The following FGD4 variants were observed in gnomAD, a reference collection of about 807,000 sequenced individuals.
FGD4 encodes the protein FYVE, RhoGEF and PH domain containing 4.
In FGD4, 42 loss-of-function variants were observed where a neutral mutation model predicts 102.0. The observed-to-expected ratio is 0.41, with a 90% CI of 0.32 to 0.53. The LOEUF (loss-of-function observed/expected upper bound fraction) is 0.53. FGD4 is among the 20% of genes least tolerant of loss of function. The pLI is 0.21. For missense variants in FGD4, 902 were observed against 1,078.2 expected (o/e 0.84, Z 2.29); for synonymous variants, 380 against 375.7 (o/e 1.01, Z -0.13).
At chr12:32,453,103 A>G (rs1394864270) in intron 1 of FGD4, among the ~76,000 whole-genome samples, 4 of 150,400 alleles carry the variant, frequency 2.7e-5, no homozygotes, top group Non-Finnish European at 5.9e-5. Context: ...TCCAGCTTTG[A>G]TAATTATTAA....
chr12:32,563,987 C>A (rs1473195178), intron 1 of FGD4, 150 bp from the exon 2 acceptor site: 1 of 735,810 alleles, frequency 1.4e-6, no homozygotes, highest in Non-Finnish European at 2.0e-6. Flanking sequence ...AGAGGGAGAC[C>A]GTGGAAAGAG....
At chr12:32,628,714 A>G (rs1399664849) in intron 14 of FGD4, among the ~76,000 whole-genome samples, 1 of 152,066 alleles carries the variant, frequency 6.6e-6, no homozygotes, top group Non-Finnish European at 1.5e-5. Context: ...TGAACCGGGG[A>G]GGCGGAGGTT....
intron 2 of FGD4, among the ~76,000 whole-genome samples, chr12:32,568,865 C>CA (rs1396801549): frequency 1.3e-5 from 2 of 152,154 alleles, no homozygotes; most frequent in Non-Finnish European, 2.9e-5. Context: ...TAGATAATTA[C>CA]TTTGAATGAT....
At chr12:32,627,883 G>A (rs780695072) in intron 14 of FGD4, among the ~76,000 whole-genome samples, 22 of 152,136 alleles carry the variant, frequency 1.4e-4, no homozygotes, top group Admixed American at 2.0e-4. Context: ...AGAAAGTGGC[G>A]GGGTCAGTGG....
Position 32,640,380 on chromosome 12 carries a change from C to G in FGD4, c.2559C>G (p.Ser853=). 2.5e-6 allele frequency: 4 copies of G among 1,614,162 alleles called. No individual in the cohort carries two copies. In the Middle Eastern group the frequency reaches 4.9e-4, roughly 200 times the overall value. The change falls in exon 17 of 17, where the codon TCC becomes TCG. Residue 853 remains serine, a synonymous_variant. Coordinates refer to ENST00000534526, the MANE Select transcript of FGD4 (RefSeq NM_001370298.3). ...GTTTCAAACTGACCCAGTCTAAGTCCGTGCACAGCTTTGCTGCAGACAGTG... is the reference window on the plus strand; with the variant it reads ...GTTTCAAACTGACCCAGTCTAAGTCGGTGCACAGCTTTGCTGCAGACAGTG... ...PHSFKLTQSK[S]VHSFAADSEE... is the part of the protein sequence containing the mutation.
At chr12:32,634,478 T>C (rs1350082352) in intron 15 of FGD4, among the ~76,000 whole-genome samples, 2 of 152,166 alleles carry the variant, frequency 1.3e-5, no homozygotes, top group African/African-American at 2.4e-5. Flanking sequence ...ACTAATGTTC[T>C]GGAAAAAATT....
chr12:32,547,082 GAATC>G (rs1480623533), intron 1 of FGD4, among the ~76,000 whole-genome samples: 4 of 152,180 alleles, frequency 2.6e-5, no homozygotes, highest in African/African-American at 9.7e-5. Context: ...GAAAGCCAAA[GAATC>G]AATAGCTAGA....
intron 1 of FGD4, among the ~76,000 whole-genome samples, chr12:32,490,911 A>G (rs1944065196): frequency 6.6e-6 from 1 of 152,194 alleles, no homozygotes; most frequent in African/African-American, 2.4e-5. Flanking sequence ...AGCAAGTATC[A>G]GAGGAGTCAT....
chr12:32,594,597 A>C (rs369976062), intron 4 of FGD4, among the ~76,000 whole-genome samples: 1 of 152,230 alleles, frequency 6.6e-6, no homozygotes. Flanking sequence ...ACTGTCTTCC[A>C]CAGAACCGGT....
chr12:32,480,410 C>G (rs11052024), intron 1 of FGD4, among the ~76,000 whole-genome samples: 20,226 of 152,080 alleles, frequency 0.13, 3,017 homozygotes, highest in African/African-American at 0.36. Context: ...GATCCGCCCA[C>G]TTCGGCCTCC....
intron 1 of FGD4, among the ~76,000 whole-genome samples, chr12:32,407,418 G>T (rs537327618): frequency 6.6e-6 from 1 of 152,120 alleles, no homozygotes; most frequent in East Asian, 1.9e-4. Flanking sequence ...GAGCCACTAC[G>T]CCTGGCCAAG....
intron 1 of FGD4, among the ~76,000 whole-genome samples, chr12:32,563,816 C>T (rs1258310285): frequency 6.6e-6 from 1 of 152,174 alleles, no homozygotes; most frequent in Non-Finnish European, 1.5e-5. Context: ...CCAGCCAACC[C>T]AGCGAAACCC....
intron 1 of FGD4, among the ~76,000 whole-genome samples, chr12:32,529,715 T>G (rs1321343967): frequency 6.6e-6 from 1 of 151,486 alleles, no homozygotes; most frequent in East Asian, 2.0e-4. Context: ...TGGTGGCCCA[T>G]ACCTGTAATC....
intron 1 of FGD4, among the ~76,000 whole-genome samples, chr12:32,496,621 C>T (rs377297908): frequency 6.6e-6 from 1 of 152,050 alleles, no homozygotes; most frequent in African/African-American, 2.4e-5. Flanking sequence ...ACACTCCACA[C>T]GTATTTTAGA....
At chr12:32,571,461 A>C (rs1945657625) in intron 2 of FGD4, among the ~76,000 whole-genome samples, 1 of 152,096 alleles carries the variant, frequency 6.6e-6, no homozygotes, top group South Asian at 2.1e-4. Context: ...TCTCAAAAAA[A>C]AAAAAGAAAA....
At chr12:32,534,793 T>A (rs966974762) in intron 1 of FGD4, among the ~76,000 whole-genome samples, 3 of 152,172 alleles carry the variant, frequency 2.0e-5, no homozygotes, top group African/African-American at 7.2e-5. Context: ...AGGGGAGAAA[T>A]ATAGAGAAAG....
chr12:32,638,834 T>A, intron 16 of FGD4, 39 bp downstream of exon 16: 2 of 1,613,386 alleles, frequency 1.2e-6, no homozygotes, highest in Non-Finnish European at 1.7e-6. Flanking sequence ...CAGATGCCCT[T>A]GGGGGCAAGG....
chr12:32,475,871 A>G (rs137962801), intron 1 of FGD4, among the ~76,000 whole-genome samples: 4 of 152,116 alleles, frequency 2.6e-5, no homozygotes, highest in Non-Finnish European at 5.9e-5. Context: ...TGAAAAGAGG[A>G]ATTGTTTTAT....
At chr12:32,410,612 C>T (rs1358179875) in intron 1 of FGD4, among the ~76,000 whole-genome samples, 1 of 152,190 alleles carries the variant, frequency 6.6e-6, no homozygotes, top group Admixed American at 6.5e-5. Flanking sequence ...CCACAGTCAA[C>T]TTTGTATTAT....
Sources: allele counts gnomAD v4.1 joint callset (sites outside exome capture counted in the v4.1 genomes callset), GRCh38; gene constraint gnomAD v4.1.1; transcripts MANE v1.5; gene names NCBI Gene and HGNC (gene_info 2026-07-23, HGNC 2026-07-21).